The following PDE1C variants were observed in gnomAD, a reference collection of about 807,000 sequenced individuals.
PDE1C encodes phosphodiesterase 1C, also known as dual specificity calcium/calmodulin-dependent 3',5'-cyclic nucleotide phosphodiesterase 1C.
In PDE1C, 62 loss-of-function variants were observed where a neutral mutation model predicts 93.1. The observed-to-expected ratio is 0.67, with a 90% CI of 0.54 to 0.82. The LOEUF (loss-of-function observed/expected upper bound fraction) is 0.82. Ranked by LOEUF, PDE1C falls within the 40% of genes least tolerant of loss-of-function variation. PDE1C has a pLI of 0.00. For missense variants in PDE1C, 742 were observed against 884.6 expected (o/e 0.84, Z 2.04); for synonymous variants, 325 against 310.1 (o/e 1.05, Z -0.50).
intron 2 of PDE1C, among the ~76,000 whole-genome samples, chr7:32,175,628 A>G (rs1802936083): frequency 6.6e-6 from 1 of 152,190 alleles, no homozygotes; most frequent in Non-Finnish European, 1.5e-5. Flanking sequence ...GGCAGCTGCT[A>G]ATTGATTTAG....
chr7:31,651,849 AAAGG>A, the PDE1C span: 2 of 842,568 alleles, frequency 2.4e-6, no homozygotes, highest in Admixed American at 2.5e-5. Context: ...AAGAAATTGC[AAAGG>A]AAGAACCTAT....
At chr7:31,666,204 T>C in the PDE1C span, among the ~76,000 whole-genome samples, 4 of 152,228 alleles carry the variant, frequency 2.6e-5, no homozygotes, top group Admixed American at 2.6e-4. Context: ...AATGACTTTT[T>C]ATCTAATCAC....
chr7:32,305,189 T>C (rs1190986372), intron 1 of PDE1C, among the ~76,000 whole-genome samples: 4 of 152,230 alleles, frequency 2.6e-5, no homozygotes, highest in African/African-American at 9.6e-5. Flanking sequence ...CATTCCATGA[T>C]ACTTCTGTCA....
At chr7:32,131,052 C>T (rs953522580) in intron 3 of PDE1C, among the ~76,000 whole-genome samples, 1 of 152,226 alleles carries the variant, frequency 6.6e-6, no homozygotes, top group South Asian at 2.1e-4. Flanking sequence ...ACACATTCCA[C>T]CAAAGAGTGC....
At chr7:31,972,315 AC>A (rs1201527310) in intron 2 of PDE1C, among the ~76,000 whole-genome samples, 1 of 152,144 alleles carries the variant, frequency 6.6e-6, no homozygotes, top group African/African-American at 2.4e-5. Flanking sequence ...CAAAGGCCGC[AC>A]CCCAATTACA....
intron 1 of PDE1C, among the ~76,000 whole-genome samples, chr7:32,371,124 C>A (rs140316406): frequency 0.016 from 2,497 of 152,144 alleles, 32 homozygotes; most frequent in South Asian, 0.036. Context: ...GTCTCTGGTT[C>A]TTTTTTTATT....
At chr7:31,696,846 G>A in the PDE1C span, 1 of 1,156,932 alleles carries the variant, frequency 8.6e-7, no homozygotes, top group Admixed American at 2.6e-5. Flanking sequence ...CTTTATTAAA[G>A]TAAGTTTGGA....
chr7:32,111,491 A>C (rs1798637892), intron 3 of PDE1C, among the ~76,000 whole-genome samples: 1 of 152,170 alleles, frequency 6.6e-6, no homozygotes, highest in African/African-American at 2.4e-5. Flanking sequence ...GGTGGCAGGC[A>C]AGGATAGCTT....
chr7:32,390,759 G>A (rs1253740545), intron 1 of PDE1C, among the ~76,000 whole-genome samples: 1 of 151,918 alleles, frequency 6.6e-6, no homozygotes, highest in Non-Finnish European at 1.5e-5. Flanking sequence ...AGGTGGAGGT[G>A]GGAGGATTGC....
chr7:32,264,217 T>A (rs1191128670), intron 1 of PDE1C, among the ~76,000 whole-genome samples: 1 of 152,176 alleles, frequency 6.6e-6, no homozygotes, highest in Non-Finnish European at 1.5e-5. Flanking sequence ...TGACAGGTGC[T>A]GAAGATTTTA....
intron 1 of PDE1C, among the ~76,000 whole-genome samples, chr7:32,287,993 A>G (rs373389977): frequency 1.5e-4 from 23 of 152,296 alleles, no homozygotes; most frequent in African/African-American, 5.5e-4. Flanking sequence ...ACTTGAGGTC[A>G]GGGGTTCGAG....
At chr7:32,306,209 T>C (rs1246297149) in intron 1 of PDE1C, among the ~76,000 whole-genome samples, 1 of 152,152 alleles carries the variant, frequency 6.6e-6, no homozygotes, top group African/African-American at 2.4e-5. Context: ...TCTTTATAAA[T>C]TACTCAGTCT....
At chr7:32,004,131 C>A (rs986058670) in intron 2 of PDE1C, among the ~76,000 whole-genome samples, 27 of 152,056 alleles carry the variant, frequency 1.8e-4, no homozygotes, top group Non-Finnish European at 1.5e-4. Flanking sequence ...TCCTGGCACC[C>A]AAATCCCTGC....
intron 1 of PDE1C, among the ~76,000 whole-genome samples, chr7:32,225,714 T>C (rs1028891175): frequency 6.6e-6 from 1 of 152,150 alleles, no homozygotes; most frequent in Non-Finnish European, 1.5e-5. Flanking sequence ...CAATGGAAAG[T>C]GATTTTTCTA....
At chr7:32,320,174 TTG>T (rs1289973714) in intron 1 of PDE1C, among the ~76,000 whole-genome samples, 1 of 152,258 alleles carries the variant, frequency 6.6e-6, no homozygotes, top group Non-Finnish European at 1.5e-5. Context: ...TTACTAAGGT[TTG>T]TGTTTCATTT....
chr7:31,919,919 C>G lies in PDE1C; in HGVS notation c.129-39059G>C, dbSNP rs558768407. On this transcript the variant is annotated intron_variant, in intron 2 of 17. Coordinates refer to ENST00000396191, the MANE Select transcript of PDE1C (RefSeq NM_001191057.4). The stretch of plus-strand genomic sequence containing the variant: ...GCGTTTTCTGGCTCCTCTGAGCAGC[C>G]TCATTGCCTGGGAGCCAGGCTGTGC... 3.3e-5 allele frequency among the ~76,000 whole-genome samples: 5 copies of G among 152,300 alleles called. No homozygotes were observed. In the East Asian group the frequency reaches 7.7e-4, roughly 24 times the overall value.
chr7:32,215,972 C>T (rs954527551), intron 1 of PDE1C, among the ~76,000 whole-genome samples: 6 of 152,196 alleles, frequency 3.9e-5, no homozygotes, highest in Admixed American at 3.3e-4. Context: ...TCCAAGTGAA[C>T]TCTTTTGGGA....
intron 3 of PDE1C, among the ~76,000 whole-genome samples, chr7:32,109,457 G>C (rs187268835): frequency 6.6e-6 from 1 of 152,260 alleles, no homozygotes; most frequent in East Asian, 1.9e-4. Flanking sequence ...CTCAGCCTCA[G>C]CACTACTGAT....
At chr7:32,232,561 T>G (rs1807779877) in intron 1 of PDE1C, among the ~76,000 whole-genome samples, 1 of 152,180 alleles carries the variant, frequency 6.6e-6, no homozygotes, top group East Asian at 1.9e-4. Flanking sequence ...AAGCTCTAGC[T>G]TTCTGGTCAG....
Sources: gnomAD v4.1 joint callset for allele counts (sites outside exome capture counted in the v4.1 genomes callset) on GRCh38, gnomAD v4.1.1 for gene constraint, MANE v1.5 for transcripts, NCBI Gene and HGNC (gene_info 2026-07-23, HGNC 2026-07-21) for gene names.